UNC13B: variants seen among roughly 807,000 people sequenced by gnomAD.
UNC13B encodes protein unc-13 homolog B.
A neutral mutation model predicts 211.0 loss-of-function variants in UNC13B; 144 were observed. The observed-to-expected ratio is 0.68, with a 90% CI of 0.60 to 0.78. The LOEUF (loss-of-function observed/expected upper bound fraction) is 0.78. UNC13B is among the 30% of genes least tolerant of loss of function. The probability of loss-of-function intolerance (pLI) is 0.00; values close to 1 mark genes in which losing one functional copy is unlikely to be tolerated. For synonymous variants in UNC13B, 709 were observed against 725.8 expected, an observed-to-expected ratio of 0.98 and a Z score of 0.37; for missense variants, 1,777 against 2,002.0, an observed-to-expected ratio of 0.89 and a Z score of 2.14.
chr9:35,328,662 T>TCCTC (rs1213629371), intron 11 of UNC13B, among the ~76,000 whole-genome samples: 71 of 88,182 alleles, frequency 8.1e-4, no homozygotes, highest in Non-Finnish European at 1.1e-3. Flanking sequence ...CTTCCTTCCT[T>TCCTC]CCTCCCTCCC....
intron 11 of UNC13B, among the ~76,000 whole-genome samples, chr9:35,320,267 G>A (rs1265379828): frequency 6.6e-6 from 1 of 152,158 alleles, no homozygotes; most frequent in East Asian, 1.9e-4. Flanking sequence ...TAATGGGATT[G>A]CTGGGTTGAA....
At chr9:35,242,787 T>C (rs1825879676) in intron 5 of UNC13B, among the ~76,000 whole-genome samples, 1 of 152,214 alleles carries the variant, frequency 6.6e-6, no homozygotes, top group Non-Finnish European at 1.5e-5. Context: ...CTTTCACCTC[T>C]TTCGTATATA....
chr9:35,307,297 CAT>C lies in UNC13B; in HGVS notation c.7894_7895del (p.Met2632GlyfsTer45). ...GVLSLSDEGD[M>X]GILQATDTEA... Reference sequence around the variant, plus strand: ...TATTGTCTCTGAGTGATGAAGGAGACATGGGGATATTGCAAGCTACAGACACG... The same window carrying C: ...TATTGTCTCTGAGTGATGAAGGAGACGGGGATATTGCAAGCTACAGACACG... On this transcript the variant is annotated frameshift_variant, in exon 9 of 40. Coordinates refer to ENST00000635942, the MANE Select transcript of UNC13B (RefSeq NM_001371189.2). LOFTEE classifies it high-confidence loss of function. The C allele has an allele frequency of 2.5e-6, 1 of 398,960 alleles. No individual in the cohort carries two copies. 24.7% of individuals were successfully genotyped at this position (398,960 alleles called of 1,614,324 possible).
intron 37 of UNC13B, chr9:35,402,019 A>C: frequency 6.5e-7 from 1 of 1,550,138 alleles, no homozygotes; most frequent in Admixed American, 2.0e-5. Context: ...TATGTTGTAC[A>C]CCGTGCAGAT....
intron 28 of UNC13B, 111 bp downstream of exon 28, chr9:35,397,048 TC>T: frequency 1.9e-6 from 3 of 1,590,356 alleles, no homozygotes; most frequent in Non-Finnish European, 2.6e-6. Flanking sequence ...CCTGTGGAGT[TC>T]ACAGGAGGGC....
intron 9 of UNC13B, among the ~76,000 whole-genome samples, chr9:35,309,610 T>C (rs1830087879): frequency 6.6e-6 from 1 of 152,214 alleles, no homozygotes; most frequent in Admixed American, 6.5e-5. Flanking sequence ...TTCTCTGCTA[T>C]AACTGCTTTC....
At chr9:35,287,498 G>T (rs553900334) in intron 7 of UNC13B, among the ~76,000 whole-genome samples, 1 of 152,192 alleles carries the variant, frequency 6.6e-6, no homozygotes, top group South Asian at 2.1e-4. Context: ...TGACGCTTTG[G>T]ATTGTCAATT....
At position 35,380,579 on chromosome 9, in the gene UNC13B, G is replaced by T; in HGVS notation, c.10315G>T (p.Gly3439Cys). ...RLKRESDDFL[G>C]QTIIEVRTLS... Reference sequence around the variant, plus strand: ...AAAGCGAGAGTCTGATGATTTCCTTGGCCAAACCATCATTGAGGTTCGGAC... The same window carrying T: ...AAAGCGAGAGTCTGATGATTTCCTTTGCCAAACCATCATTGAGGTTCGGAC... The change falls in exon 18 of 40, where the codon GGC (glycine) becomes TGC (cysteine). Residue 3439 changes from glycine to cysteine, a missense_variant. Gly to Cys is a radical substitution (Grantham distance 159). Coordinates refer to ENST00000635942, the MANE Select transcript of UNC13B (RefSeq NM_001371189.2). 1 of 1,614,190 alleles carries T rather than the reference G, an allele frequency of 6.2e-7. No individual in the cohort carries two copies.
intron 7 of UNC13B, among the ~76,000 whole-genome samples, chr9:35,263,779 G>A (rs1827411751): frequency 6.6e-6 from 1 of 152,150 alleles, no homozygotes; most frequent in South Asian, 2.1e-4. Context: ...TAGGGCTGGT[G>A]CCCTCATAAG....
chr9:35,257,470 A>C (rs1413366869), intron 6 of UNC13B, among the ~76,000 whole-genome samples: 1 of 145,002 alleles, frequency 6.9e-6, no homozygotes, highest in Non-Finnish European at 1.5e-5. Context: ...AATCCCAGCT[A>C]CTCGGGAGGC....
At chr9:35,218,576 T>C (rs1214086706) in intron 1 of UNC13B, among the ~76,000 whole-genome samples, 1 of 151,826 alleles carries the variant, frequency 6.6e-6, no homozygotes, top group Non-Finnish European at 1.5e-5. Context: ...AATTAATTTT[T>C]TGTAGAGACA....
At chr9:35,288,832 GC>G (rs1414953797) in intron 7 of UNC13B, among the ~76,000 whole-genome samples, 4 of 152,214 alleles carry the variant, frequency 2.6e-5, no homozygotes, top group Non-Finnish European at 5.9e-5. Context: ...GCCCAGAAAG[GC>G]TTCTTTGGGC....
At chr9:35,238,495 A>G (rs916448471) in intron 5 of UNC13B, among the ~76,000 whole-genome samples, 1 of 151,900 alleles carries the variant, frequency 6.6e-6, no homozygotes, top group Non-Finnish European at 1.5e-5. Flanking sequence ...ACATCGCTCC[A>G]TGTTATACTT....
chr9:35,404,059 G>A lies in UNC13B; in HGVS notation c.*26G>A, dbSNP rs899926401. ...ACACCTTCGACTCCTGTGCCAATCA[G>A]GCAGCAGCAATTTCACAAATCAGGG... On this transcript the variant is annotated 3_prime_UTR_variant, in exon 40 of 40. Coordinates refer to ENST00000635942, the MANE Select transcript of UNC13B (RefSeq NM_001371189.2). 3 of 1,599,728 alleles carry A rather than the reference G, an allele frequency of 1.9e-6. No individual in the cohort carries two copies. The highest frequency in any genetic ancestry group is 2.6e-6 in the Non-Finnish European group (3 of 1,172,462).
chr9:35,341,924 A>G, intron 11 of UNC13B: 1 of 985,646 alleles, frequency 1.0e-6, no homozygotes, highest in Non-Finnish European at 1.2e-6. Flanking sequence ...CGATTGAGTT[A>G]GAATTCCACA....
At chr9:35,170,440 AC>A (rs1821273551) in intron 1 of UNC13B, among the ~76,000 whole-genome samples, 1 of 151,972 alleles carries the variant, frequency 6.6e-6, no homozygotes, top group African/African-American at 2.4e-5. Flanking sequence ...TGTTGGGATT[AC>A]AGATGTGAGC....
intron 1 of UNC13B, among the ~76,000 whole-genome samples, chr9:35,203,710 A>C (rs181473768): frequency 9.2e-5 from 14 of 152,356 alleles, no homozygotes; most frequent in African/African-American, 3.4e-4. Context: ...GCTGCTTCTA[A>C]CAGCCTGCAT....
intron 1 of UNC13B, among the ~76,000 whole-genome samples, chr9:35,217,492 C>T (rs1388549314): frequency 6.6e-6 from 1 of 151,600 alleles, no homozygotes; most frequent in African/African-American, 2.4e-5. Context: ...GGGTTCACGC[C>T]ATTGTCCTGC....
chr9:35,301,797 A>G lies in UNC13B; in HGVS notation c.2393A>G (p.Asp798Gly), dbSNP rs1829699387. 2.5e-6 allele frequency: 1 copy of G among 398,750 alleles called. No homozygotes were observed. Among genetic ancestry groups the G allele is most frequent in the South Asian group, 1.3e-4 (1 of 7,868 alleles). 24.7% of individuals were successfully genotyped at this position (398,750 alleles called of 1,614,324 possible). ...GTATTTTCAAAGCCATTAGAGGAGG[A>G]CAAAGTTACAGGTAATGATGATTTC... ...KEVFSKPLEE[D>G]KVTGNDDFLE... Residue 798 changes from aspartate (D) to glycine (G), a missense_variant, in exon 9 of 40, where the codon GAC becomes GGC. By Grantham distance (94) the Asp-to-Gly change is moderately conservative. Coordinates refer to ENST00000635942, the MANE Select transcript of UNC13B (RefSeq NM_001371189.2).
Sources: allele counts gnomAD v4.1 joint callset (sites outside exome capture counted in the v4.1 genomes callset), GRCh38; gene constraint gnomAD v4.1.1; transcripts MANE v1.5; gene names NCBI Gene and HGNC (gene_info 2026-07-23, HGNC 2026-07-21).